The following SLC71A2 variants were observed in gnomAD, a reference collection of about 807,000 sequenced individuals.
The protein encoded by SLC71A2 is solute carrier family 71 member 2, also known as hippocampus abundant transcript-like 1.
At chr9:94,404,730 A>G in the SLC71A2 span, among the ~76,000 whole-genome samples, 5 of 152,126 alleles carry the variant, frequency 3.3e-5, no homozygotes, top group Admixed American at 3.3e-4. Context: ...TATATATTCT[A>G]GGTATTAATC....
the SLC71A2 span, among the ~76,000 whole-genome samples, chr9:94,448,415 C>T: frequency 6.6e-6 from 1 of 152,166 alleles, no homozygotes; most frequent in Admixed American, 6.5e-5. Flanking sequence ...TTGCTCAGAC[C>T]TAAGCTGCCT....
the SLC71A2 span, among the ~76,000 whole-genome samples, chr9:94,446,035 T>C: frequency 0.19 from 29,195 of 152,108 alleles, 2,987 homozygotes; most frequent in Middle Eastern, 0.28. Flanking sequence ...GATCAAGTTA[T>C]GCATCAAAGC....
chr9:94,441,130 C>T, the SLC71A2 span: 1 of 1,220,750 alleles, frequency 8.2e-7, no homozygotes, highest in Non-Finnish European at 1.2e-6. Flanking sequence ...TATTTTTTAA[C>T]CAGAATAGTA....
the SLC71A2 span, among the ~76,000 whole-genome samples, chr9:94,440,818 C>T: frequency 1.3e-5 from 2 of 152,068 alleles, no homozygotes; most frequent in African/African-American, 4.8e-5. Context: ...AATGTTTCTA[C>T]TTCTTCCTGT....
chr9:94,440,450 TA>T, the SLC71A2 span, among the ~76,000 whole-genome samples: 1 of 151,924 alleles, frequency 6.6e-6, no homozygotes, highest in African/African-American at 2.4e-5. Flanking sequence ...AATAGATTTT[TA>T]AATATTAAAA....
chr9:94,388,414 C>T, the SLC71A2 span, among the ~76,000 whole-genome samples: 1 of 152,136 alleles, frequency 6.6e-6, no homozygotes, highest in East Asian at 1.9e-4. Flanking sequence ...AAGGAACTTA[C>T]TGTAAGGCAC....
the SLC71A2 span, chr9:94,451,540 T>G: frequency 7.1e-7 from 1 of 1,406,922 alleles, no homozygotes; most frequent in Non-Finnish European, 9.7e-7. Context: ...GAGTATCATT[T>G]TATCTATACT....
At chr9:94,378,973 G>A in the SLC71A2 span, among the ~76,000 whole-genome samples, 1 of 147,590 alleles carries the variant, frequency 6.8e-6, no homozygotes, top group Admixed American at 6.8e-5. Flanking sequence ...AGTAAGTTGT[G>A]TTTTGTTGGG....
chr9:94,384,360 A>G, the SLC71A2 span, among the ~76,000 whole-genome samples: 6 of 139,822 alleles, frequency 4.3e-5, no homozygotes, highest in African/African-American at 1.6e-4. Context: ...TTTTGGACAC[A>G]TGGTCTCTCT....
chr9:94,410,664 C>T, the SLC71A2 span, among the ~76,000 whole-genome samples: 78,319 of 151,960 alleles, frequency 0.52, 20,427 homozygotes, highest in Admixed American at 0.61. Context: ...GAAAAAGAAA[C>T]GCAAATTCCT....
chr9:94,458,584 A>G, the SLC71A2 span: 24 of 986,722 alleles, frequency 2.4e-5, no homozygotes, highest in Admixed American at 8.9e-5. Context: ...TTTGGCAGCA[A>G]TAAGTATTGT....
the SLC71A2 span, among the ~76,000 whole-genome samples, chr9:94,399,681 G>A: frequency 6.6e-6 from 1 of 152,156 alleles, no homozygotes; most frequent in African/African-American, 2.4e-5. Context: ...TTATTTCCAT[G>A]GGGTACAACT....
the SLC71A2 span, among the ~76,000 whole-genome samples, chr9:94,424,907 T>G: frequency 9.2e-6 from 1 of 108,276 alleles, no homozygotes. Flanking sequence ...AACTGGCTTT[T>G]TTTTTTTTTT....
the SLC71A2 span, among the ~76,000 whole-genome samples, chr9:94,378,227 T>C: frequency 6.6e-6 from 1 of 151,828 alleles, no homozygotes; most frequent in Admixed American, 6.6e-5. Flanking sequence ...AGTGGTTCTT[T>C]AGGCTGTACA....
At chr9:94,422,481 G>C in the SLC71A2 span, among the ~76,000 whole-genome samples, 226 of 152,256 alleles carry the variant, frequency 1.5e-3, 1 homozygote, top group African/African-American at 4.8e-3. Flanking sequence ...AATATTTCTT[G>C]TATATATCTT....
At chr9:94,425,992 T>C in the SLC71A2 span, among the ~76,000 whole-genome samples, 2 of 151,994 alleles carry the variant, frequency 1.3e-5, no homozygotes, top group Non-Finnish European at 2.9e-5. Context: ...GTAGTCTAGA[T>C]ACCTGTGGTT....
chr9:94,408,485 C>G, the SLC71A2 span, among the ~76,000 whole-genome samples: 9 of 152,178 alleles, frequency 5.9e-5, no homozygotes, highest in Admixed American at 5.9e-4. Flanking sequence ...TAATTCTTAA[C>G]TCTGCTGGAA....
the SLC71A2 span, among the ~76,000 whole-genome samples, chr9:94,442,350 A>G: frequency 6.6e-6 from 1 of 152,146 alleles, no homozygotes. Flanking sequence ...CAGTAGTTTG[A>G]AAACTACTCT....
the SLC71A2 span, chr9:94,441,190 C>T: frequency 1.7e-6 from 1 of 596,578 alleles, no homozygotes; most frequent in Non-Finnish European, 2.8e-6. Flanking sequence ...TTAGTCCTTT[C>T]TTGCACTGCT....
Sources: allele counts gnomAD v4.1 joint callset (sites outside exome capture counted in the v4.1 genomes callset), GRCh38; gene constraint gnomAD v4.1.1; transcripts MANE v1.5; gene names NCBI Gene and HGNC (gene_info 2026-07-23, HGNC 2026-07-21).